Variants in C10orf90 observed in about 807,000 individuals in gnomAD.
C10orf90 encodes the protein (E2-independent) E3 ubiquitin-conjugating enzyme FATS.
C10orf90 carries 56 observed loss-of-function variants against 62.5 expected under a neutral mutation model. That is an observed-to-expected ratio of 0.90 (90% CI 0.72 to 1.12). C10orf90 has a LOEUF of 1.12. C10orf90 is among the 50% of genes most tolerant of loss of function. The pLI is 0.00. For missense variants in C10orf90, 970 were observed against 880.4 expected (o/e 1.10, Z -1.29); for synonymous variants, 386 against 340.4 (o/e 1.13, Z -1.47).
At chr10:126,581,561 C>G (rs1707799085) in intron 2 of C10orf90, among the ~76,000 whole-genome samples, 1 of 152,120 alleles carries the variant, frequency 6.6e-6, no homozygotes, top group African/African-American at 2.4e-5. Flanking sequence ...AGGGCACAGA[C>G]CTTTGCCTTT....
chr10:126,668,282 T>A (rs1008619728), intron 1 of C10orf90, among the ~76,000 whole-genome samples: 2 of 152,204 alleles, frequency 1.3e-5, no homozygotes, highest in Non-Finnish European at 2.9e-5. Flanking sequence ...TGAGAGTTCA[T>A]CCCAGAGACC....
chr10:126,474,508 T>C (rs941717529), intron 4 of C10orf90, among the ~76,000 whole-genome samples: 1 of 152,162 alleles, frequency 6.6e-6, no homozygotes, highest in Admixed American at 6.5e-5. Context: ...TTTAAAATAG[T>C]GTAAGTACAA....
chr10:126,518,760 C>T (rs1219361941), intron 2 of C10orf90, among the ~76,000 whole-genome samples: 2 of 152,130 alleles, frequency 1.3e-5, no homozygotes, highest in African/African-American at 2.4e-5. Flanking sequence ...GGATTGCACC[C>T]GCTGCTGTCT....
At chr10:126,512,376 GTGTGTGTGTCTGTGTGTGTGTGTGTGTC>G (rs1564847052) in intron 3 of C10orf90, among the ~76,000 whole-genome samples, 1 of 60,350 alleles carries the variant, frequency 1.7e-5, no homozygotes, top group Non-Finnish European at 3.0e-5. Context: ...GTGTGTCTGT[GTGTGTGTGTCTGTGTGTGTGTGTGTGTC>G]TGTGTGTCTG....
intron 2 of C10orf90, among the ~76,000 whole-genome samples, chr10:126,591,016 G>T (rs917561452): frequency 7.9e-5 from 12 of 152,088 alleles, no homozygotes; most frequent in Admixed American, 5.9e-4. Context: ...TACCTGAATA[G>T]ACCAATAATG....
At position 126,438,553 on chromosome 10, in the gene C10orf90, A is replaced by G. The variant is rs532376850; in HGVS notation, c.2189-8703T>C. Among the ~76,000 whole-genome samples the G allele has an allele frequency of 2.0e-5, 3 of 152,224 alleles. No individual in the cohort carries two copies. In the South Asian group the frequency reaches 6.2e-4, roughly 32 times the overall value. ...GAATACAGTATACGACAAATAACAT[A>G]TTTTTCAAAGGAATCTGAAGGAACT... On this transcript the variant is annotated intron_variant, in intron 7 of 9. Coordinates refer to ENST00000488181, the MANE Select transcript of C10orf90 (RefSeq NM_001350921.2).
intron 2 of C10orf90, among the ~76,000 whole-genome samples, chr10:126,618,831 T>C (rs1472988786): frequency 6.6e-6 from 1 of 152,150 alleles, no homozygotes; most frequent in African/African-American, 2.4e-5. Context: ...AGCTGCACTT[T>C]CCCTGTTTCA....
Position 126,459,870 on chromosome 10 carries a change from GACTA to G in C10orf90, c.2011-657_2011-654del, listed in dbSNP as rs139643512. 3.1e-3 allele frequency among the ~76,000 whole-genome samples: 477 copies of G among 152,280 alleles called. 6 individuals carry two copies. In the East Asian group the frequency reaches 0.047, roughly 15 times the overall value. ...CCACCCACACAAGTCTCCTGAACAA[GACTA>G]ACTGCCATTCTGCTCCATCCCAGAT... On this transcript the variant is annotated intron_variant, in intron 6 of 9. Coordinates refer to ENST00000488181, the MANE Select transcript of C10orf90 (RefSeq NM_001350921.2).
At chr10:126,427,074 A>G (rs1038756492) in intron 8 of C10orf90, among the ~76,000 whole-genome samples, 1 of 152,010 alleles carries the variant, frequency 6.6e-6, no homozygotes, top group Non-Finnish European at 1.5e-5. Flanking sequence ...GGTCTGTTTG[A>G]CTCTTTCTAG....
At chr10:126,506,697 C>G (rs976125251) in intron 3 of C10orf90, among the ~76,000 whole-genome samples, 1 of 152,190 alleles carries the variant, frequency 6.6e-6, no homozygotes, top group African/African-American at 2.4e-5. Context: ...GAAACACAGA[C>G]AAGTCATGAG....
chr10:126,547,070 C>A lies in C10orf90; in HGVS notation c.314-33131G>T, dbSNP rs187111115. ...ATTGCAATGAGCCAAGATCGTGCTA[C>A]TGCACTCCAGACTGGGCAACAGAGC... On this transcript the variant is annotated intron_variant, in intron 2 of 9. Transcript: ENST00000488181. Among the ~76,000 whole-genome samples the A allele has an allele frequency of 7.8e-4, 119 of 152,220 alleles. 2 individuals are homozygous for A. Among genetic ancestry groups the A allele is most frequent in the African/African-American group, 2.7e-3 (114 of 41,528 alleles).
At position 126,596,120 on chromosome 10, in the gene C10orf90, G is replaced by T. The variant is rs535168328; in HGVS notation, c.313+50445C>A. On this transcript the variant is annotated intron_variant, in intron 2 of 9. Coordinates refer to ENST00000488181, the MANE Select transcript of C10orf90 (RefSeq NM_001350921.2). ...AGAAAATCAGCCTGGGCTACATAGT[G>T]AGACCCTATCTCTTATTTAAAAAAA... Among the ~76,000 whole-genome samples, 5 of 148,700 alleles carry T rather than the reference G, an allele frequency of 3.4e-5. No homozygotes were observed. In the South Asian group the frequency reaches 1.1e-3, roughly 32 times the overall value.
chr10:126,453,104 G>A lies in C10orf90; in HGVS notation c.2188+5936C>T, dbSNP rs1318566940. ...ACTTGCTCCAACCAAGAATCATCAG[G>A]GAAAGAAGATTTGTTGGAGAAGGAA... On this transcript the variant is annotated intron_variant, in intron 7 of 9. Transcript: ENST00000488181. This position sits in a 1 kb window ranked among gnomAD's most constrained non-coding sequence, Gnocchi z 4.9. Among the ~76,000 whole-genome samples the A allele has an allele frequency of 6.6e-6, 1 of 152,140 alleles. No homozygotes were observed. The highest frequency in any genetic ancestry group is 1.5e-5 in the Non-Finnish European group (1 of 68,034).
At chr10:126,532,221 G>A (rs1992101) in intron 2 of C10orf90, among the ~76,000 whole-genome samples, 135,305 of 152,190 alleles carry the variant, frequency 0.89, 60,367 homozygotes, top group African/African-American at 0.96. Flanking sequence ...AACTTGACCT[G>A]TGGCTCTATC....
At chr10:126,628,163 T>C (rs993789197) in intron 2 of C10orf90, among the ~76,000 whole-genome samples, 3 of 152,206 alleles carry the variant, frequency 2.0e-5, no homozygotes, top group African/African-American at 7.2e-5. Flanking sequence ...GGGTCACTCC[T>C]GTGTTCTGTG....
At chr10:126,657,790 A>T (rs1364794998) in intron 1 of C10orf90, among the ~76,000 whole-genome samples, 1 of 151,508 alleles carries the variant, frequency 6.6e-6, no homozygotes, top group Non-Finnish European at 1.5e-5. Context: ...TAATTTTTGT[A>T]TTTTTAGTAG....
At chr10:126,477,904 A>T (rs1860973665) in intron 4 of C10orf90, among the ~76,000 whole-genome samples, 1 of 152,184 alleles carries the variant, frequency 6.6e-6, no homozygotes, top group Non-Finnish European at 1.5e-5. Flanking sequence ...TGTAGTTCCC[A>T]TCAATCTGTT....
intron 4 of C10orf90, among the ~76,000 whole-genome samples, chr10:126,480,885 T>C (rs1001019949): frequency 6.6e-6 from 1 of 152,192 alleles, no homozygotes; most frequent in Non-Finnish European, 1.5e-5. Context: ...GGTCAGGTTA[T>C]GGTAATGCTC....
intron 2 of C10orf90, among the ~76,000 whole-genome samples, chr10:126,645,404 CCAAACAAA>C (rs148448748): frequency 0.012 from 1,751 of 146,358 alleles, 27 homozygotes; most frequent in African/African-American, 0.041. Flanking sequence ...CCCCTCTCTA[CCAAACAAA>C]CAAACAAACA....
Sources: gnomAD v4.1 joint callset for allele counts (sites outside exome capture counted in the v4.1 genomes callset) on GRCh38, gnomAD v4.1.1 for gene constraint, Gnocchi (gnomAD v3.1) non-coding constraint, MANE v1.5 for transcripts, NCBI Gene and HGNC (gene_info 2026-07-23, HGNC 2026-07-21) for gene names.